NPAS4: variants seen among roughly 807,000 people sequenced by gnomAD.
NPAS4 encodes the protein neuronal PAS domain-containing protein 4.
Under a neutral mutation model 64.0 loss-of-function variants are expected in NPAS4, and 10 were observed. That is an observed-to-expected ratio of 0.16 (90% CI 0.10 to 0.26). The LOEUF is 0.26. NPAS4 is among the 10% of genes least tolerant of loss of function. The pLI is 1.00. For missense variants in NPAS4, 886 were observed against 992.6 expected, an observed-to-expected ratio of 0.89 and a Z score of 1.44; for synonymous variants, 441 against 411.7, an observed-to-expected ratio of 1.07 and a Z score of -0.86.
In NPAS4 at chr11:66,422,741, C is replaced by T. The variant is rs1230970604; in HGVS notation, c.498C>T (p.Leu166=). ...SLRRQSAGNK[L]VLIRGRFHAH... is the part of the protein sequence containing the mutation. ...GGCGCCAGAGTGCAGGCAACAAACT[C>T]GTGCTTATTCGAGGCCGATTCCATG... The change falls in exon 4 of 8, where the codon CTC becomes CTT. Residue 166 remains leucine (L), a synonymous_variant. Transcript: ENST00000311034. The T allele has an allele frequency of 1.2e-6, 2 of 1,614,134 alleles. No individual in the cohort carries two copies. Among genetic ancestry groups the T allele is most frequent in the South Asian group, 2.2e-5 (2 of 91,084 alleles).
At chr11:66,416,619 AT>A (rs1565238000), upstream of NPAS4, among the ~76,000 whole-genome samples, 1 of 152,198 alleles carries the variant, frequency 6.6e-6, no homozygotes, top group East Asian at 1.9e-4. Context: ...AATTGCATCA[AT>A]GCATCTTTCT....
intron 7 of NPAS4, 33 bp from the exon 8 acceptor site, chr11:66,425,919 TTGGTCTAAC>T (rs759402914): frequency 5.4e-5 from 81 of 1,504,648 alleles, no homozygotes; most frequent in Non-Finnish European, 7.4e-5. Context: ...TCTGTGCTAA[TTGGTCTAAC>T]TGATTGTGTT....
the NPAS4 span, among the ~76,000 whole-genome samples, chr11:66,411,665 A>G: frequency 6.6e-6 from 1 of 152,034 alleles, no homozygotes; most frequent in Non-Finnish European, 1.5e-5. Flanking sequence ...TGGCTTCAGA[A>G]GCTGCTCCAT....
Position 66,422,791 on chromosome 11 carries a change from C to A in NPAS4, c.548C>A (p.Ala183Glu). 1.2e-6 allele frequency: 2 copies of A among 1,614,214 alleles called. No homozygotes were observed. The highest frequency in any genetic ancestry group is 4.5e-5 in the East Asian group (2 of 44,874). Residue 183 changes from alanine to glutamate, a missense_variant, in exon 4 of 8, where the codon GCA (alanine) becomes GAA (glutamate). By Grantham distance (107) the Ala-to-Glu change is moderately radical. This residue lies in a region of NPAS4 where 820 missense variants were observed against 855.5 expected (regional missense o/e 0.96). Coordinates refer to ENST00000311034, the MANE Select transcript of NPAS4 (RefSeq NM_178864.4). ...GCTCACCCACCTGGAGCCTACTGGG[C>A]AGGAAATCCCGTGTTCACAGCTTTC... ...FHAHPPGAYW[A>E]GNPVFTAFCA...
Position 66,422,741 on chromosome 11 carries a change from C to A in NPAS4, c.498C>A (p.Leu166=), listed in dbSNP as rs1230970604. The A allele has an allele frequency of 6.2e-7, 1 of 1,614,134 alleles. No homozygotes were observed. The highest frequency in any genetic ancestry group is 1.1e-5 in the South Asian group (1 of 91,084). The change falls in exon 4 of 8, where the codon CTC becomes CTA. Residue 166 remains leucine, a synonymous_variant. Coordinates refer to ENST00000311034, the MANE Select transcript of NPAS4 (RefSeq NM_178864.4). ...GGCGCCAGAGTGCAGGCAACAAACT[C>A]GTGCTTATTCGAGGCCGATTCCATG... The part of the protein sequence containing the change: ...SLRRQSAGNK[L]VLIRGRFHAH...
chr11:66,425,619 A>C (rs1856829026), intron 7 of NPAS4, among the ~76,000 whole-genome samples: 1 of 152,146 alleles, frequency 6.6e-6, no homozygotes, highest in Admixed American at 6.5e-5. Context: ...TAGGGTGCAC[A>C]ACAAACTGAT....
the NPAS4 span, among the ~76,000 whole-genome samples, chr11:66,412,898 C>T: frequency 6.6e-6 from 1 of 152,358 alleles, no homozygotes; most frequent in East Asian, 1.9e-4. Context: ...TCTTGATGGT[C>T]CTTCAAACAT....
In NPAS4 at chr11:66,423,929, C is replaced by T. The variant is rs1856796140; in HGVS notation, c.1039C>T (p.Pro347Ser). ...LGTPTMLPSF[P>S]ENILSQEECS... ...CACTCCGACCATGCTGCCCTCATTCCCTGAAAACATTCTTTCCCAGGAAGA... is the reference window on the plus strand; with the variant it reads ...CACTCCGACCATGCTGCCCTCATTCTCTGAAAACATTCTTTCCCAGGAAGA... The change falls in exon 7 of 8, where the codon CCT becomes TCT. Residue 347 changes from proline to serine, a missense_variant. This residue lies in a region of NPAS4 where 820 missense variants were observed against 855.5 expected (regional missense o/e 0.96). Transcript: ENST00000311034. 6.2e-7 allele frequency: 1 copy of T among 1,614,014 alleles called. No individual in the cohort carries two copies. Among genetic ancestry groups the T allele is most frequent in the Non-Finnish European group, 8.5e-7 (1 of 1,180,034 alleles).
chr11:66,421,529 C>T (rs1172897341), intron 1 of NPAS4, among the ~76,000 whole-genome samples, 175 bp downstream of exon 1: 2 of 152,228 alleles, frequency 1.3e-5, no homozygotes, highest in South Asian at 2.1e-4. Flanking sequence ...CTCCAGACCT[C>T]ACCTTAGTTC....
intron 1 of NPAS4, 48 bp from the exon 2 acceptor site, chr11:66,422,072 C>T (rs757089991): frequency 1.3e-6 from 2 of 1,571,298 alleles, no homozygotes; most frequent in Admixed American, 3.3e-5. Flanking sequence ...CACTTCTTCT[C>T]TGCCTCCCAG....
chr11:66,419,836 G>A (rs1856712195), upstream of NPAS4, among the ~76,000 whole-genome samples: 1 of 152,210 alleles, frequency 6.6e-6, no homozygotes, highest in Non-Finnish European at 1.5e-5. Flanking sequence ...AGGCGCAAAT[G>A]TGGAGAGGGG....
the NPAS4 span, among the ~76,000 whole-genome samples, chr11:66,414,476 A>G: frequency 4.0e-5 from 6 of 151,146 alleles, no homozygotes; most frequent in African/African-American, 1.5e-4. Flanking sequence ...CACCCCCTCC[A>G]TGGTTCTATG....
chr11:66,421,122 G>A lies in NPAS4; in HGVS notation c.-58G>A. ...GCACGGAGGAGGAAGCCGCCGGTGC[G>A]TCGGGACGGGAGCGCAGGTGCTCGG... On this transcript the variant is annotated 5_prime_UTR_variant, in exon 1 of 8. Transcript: ENST00000311034. The A allele has an allele frequency of 6.8e-7, 1 of 1,474,258 alleles. No homozygotes were observed. The highest frequency in any genetic ancestry group is 9.2e-7 in the Non-Finnish European group (1 of 1,084,448). 91.3% of individuals were successfully genotyped at this position (1,474,258 alleles called of 1,614,324 possible). A position where few individuals can be genotyped will look rare whatever the true frequency, so the allele number is the denominator to read the frequency against.
In NPAS4 at chr11:66,422,176, G is replaced by A; in HGVS notation, c.232G>A (p.Val78Ile). The change falls in exon 2 of 8, where the codon GTA (valine) becomes ATA (isoleucine). Residue 78 changes from valine (V) to isoleucine (I), a missense_variant. Val to Ile is a conservative substitution (Grantham distance 29). Transcript: ENST00000311034. The stretch of plus-strand genomic sequence containing the variant: ...CTCAGCTCAAGAGCTTGAGGACATC[G>A]TAGCGGCACTACCCGGCTTTCTGCT... The part of the protein sequence containing the change: ...LLSAQELEDI[V>I]AALPGFLLVF... The A allele has an allele frequency of 6.2e-7, 1 of 1,614,038 alleles. No individual in the cohort carries two copies. Among genetic ancestry groups the A allele is most frequent in the South Asian group, 1.1e-5 (1 of 91,080 alleles).
In NPAS4 at chr11:66,424,706, C is replaced by T; in HGVS notation, c.1816C>T (p.Pro606Ser). ...GPLSVDVPLV[P>S]EGLLTPEASP... The stretch of plus-strand genomic sequence containing the variant: ...CCTCTCTGTGGATGTCCCCCTGGTG[C>T]CCGAAGGCCTGCTCACACCTGAGGC... Residue 606 changes from proline to serine, a missense_variant, in exon 7 of 8, where the codon CCC (proline) becomes TCC (serine). Physicochemically the swap from Pro to Ser is moderately conservative, Grantham distance 74 (BLOSUM62 -1). This residue lies in a region of NPAS4 where 820 missense variants were observed against 855.5 expected (regional missense o/e 0.96). Coordinates refer to ENST00000311034, the MANE Select transcript of NPAS4 (RefSeq NM_178864.4). 1 of 1,612,872 alleles carries T rather than the reference C, an allele frequency of 6.2e-7. No individual in the cohort carries two copies. The highest frequency in any genetic ancestry group is 8.5e-7 in the Non-Finnish European group (1 of 1,179,254).
the NPAS4 span, among the ~76,000 whole-genome samples, chr11:66,412,258 G>A: frequency 6.6e-6 from 1 of 152,272 alleles, no homozygotes; most frequent in Non-Finnish European, 1.5e-5. Context: ...GTTGGGCCCG[G>A]CCCGGGACCT....
chr11:66,426,046 C>A lies in NPAS4; in HGVS notation c.*57C>A, dbSNP rs941505858. The A allele has an allele frequency of 4.7e-6, 6 of 1,288,744 alleles. No homozygotes were observed. Among genetic ancestry groups the A allele is most frequent in the Non-Finnish European group, 6.8e-6 (6 of 885,040 alleles). 79.8% of individuals were successfully genotyped at this position (1,288,744 alleles called of 1,614,324 possible). On this transcript the variant is annotated 3_prime_UTR_variant, in exon 8 of 8. Coordinates refer to ENST00000311034, the MANE Select transcript of NPAS4 (RefSeq NM_178864.4). ...GCATATTGTCATCAAGACGTGGAGC[C>A]GCTCTCCACCCCCCCGGGACTGTTG...
chr11:66,423,496 T>C, intron 5 of NPAS4, 82 bp from the exon 6 acceptor site: 3 of 1,529,734 alleles, frequency 2.0e-6, no homozygotes, highest in Non-Finnish European at 2.7e-6. Context: ...GCTATCTCAA[T>C]TCAGTGGAGA....
upstream of NPAS4, chr11:66,416,819 T>C (rs1386598220): frequency 6.6e-6 from 1 of 152,248 alleles, no homozygotes; most frequent in East Asian, 1.9e-4. Flanking sequence ...CAAGACAAGA[T>C]CACACTTTGA....
Sources: allele counts gnomAD v4.1 joint callset (sites outside exome capture counted in the v4.1 genomes callset), GRCh38; gene constraint gnomAD v4.1.1; regional missense constraint gnomAD v4.1.1; transcripts MANE v1.5; gene names NCBI Gene and HGNC (gene_info 2026-07-23, HGNC 2026-07-21).